ZNF16: variants seen among roughly 807,000 people sequenced by gnomAD.
The protein encoded by ZNF16 is zinc finger protein 16.
In ZNF16, 7 loss-of-function variants were observed where a neutral mutation model predicts 9.0. The ratio of observed to expected loss-of-function variants is 0.78; its 90% CI spans 0.44 to 1.47. The LOEUF is 1.47. Among genes scored for constraint, ZNF16 ranks in the 40% most tolerant of loss-of-function variants. The pLI, the probability that ZNF16 is intolerant of heterozygous loss-of-function variation, is 0.01. For missense variants in ZNF16, 830 were observed against 854.2 expected, an observed-to-expected ratio of 0.97 and a Z score of 0.35; for synonymous variants, 312 against 301.5, an observed-to-expected ratio of 1.03 and a Z score of -0.36.
At position 144,932,648 on chromosome 8, in the gene ZNF16, TAGAC is replaced by T. The variant is rs1421129428; in HGVS notation, c.197-62_197-59del. 3.8e-6 allele frequency: 6 copies of T among 1,559,244 alleles called. No individual in the cohort carries two copies. The highest frequency in any genetic ancestry group is 3.7e-5 in the South Asian group (3 of 81,668). On this transcript the variant is annotated intron_variant, in intron 2 of 2. Transcript: ENST00000394909. This position sits in a 1 kb window ranked among gnomAD's most constrained non-coding sequence, Gnocchi z 5.0. ...CAGTGCTGCAGCAGGAGCAGGAACA[TAGAC>T]AGTCACAGTTGCACCCACTAACTGT...
intron 1 of ZNF16, among the ~76,000 whole-genome samples, chr8:144,946,963 T>TAC (rs1833965123): frequency 2.0e-5 from 2 of 98,770 alleles, no homozygotes; most frequent in Non-Finnish European, 3.7e-5. Flanking sequence ...TGGGCCTGTG[T>TAC]CCTGCTGTGG....
rs571989382 is a variant in ZNF16, at chr8:144,941,880, A to C, written c.196+4131T>G. On this transcript the variant is annotated intron_variant, in intron 2 of 2. Transcript: ENST00000394909. Reference sequence around the variant, plus strand: ...TCACTGTGTTGGCCAGGATGGTCTCAATCTCCTGACCTCATGATCTGCCCA... The same window carrying C: ...TCACTGTGTTGGCCAGGATGGTCTCCATCTCCTGACCTCATGATCTGCCCA... Among the ~76,000 whole-genome samples, 148 of 149,944 alleles carry C rather than the reference A, an allele frequency of 9.9e-4. 1 individual carries two copies. The highest frequency in any genetic ancestry group is 1.9e-3 in the Non-Finnish European group (129 of 67,736).
Position 144,931,503 on chromosome 8 carries a change from AGT to A in ZNF16, c.1282_1283del (p.Thr428TrpfsTer6). Reference protein sequence around the residue: ...SNLIKHHRVHTGEKPYKCSDC... With the variant: ...SNLIKHHRVHXGEKPYKCSDC... ...CACTGCACTTATAGGGCTTCTCTCC[AGT>A]GTGAACCCTGTGGTGCTTAATGAGG... On this transcript the variant is annotated frameshift_variant, in exon 3 of 3. Coordinates refer to ENST00000394909, the MANE Select transcript of ZNF16 (RefSeq NM_006958.3). LOFTEE classifies it low-confidence loss of function (END_TRUNC). 6.2e-7 allele frequency: 1 copy of A among 1,614,016 alleles called. No individual in the cohort carries two copies. The highest frequency in any genetic ancestry group is 1.1e-5 in the South Asian group (1 of 91,084).
At chr8:144,934,265 T>C (rs1833629366) in intron 2 of ZNF16, among the ~76,000 whole-genome samples, 1 of 152,222 alleles carries the variant, frequency 6.6e-6, no homozygotes, top group Non-Finnish European at 1.5e-5. Context: ...TGCAGACACA[T>C]CGTGCTGTGC....
chr8:144,931,935 C>T lies in ZNF16; in HGVS notation c.852G>A (p.Gln284=), dbSNP rs769145965. 1 of 1,613,548 alleles carries T rather than the reference C, an allele frequency of 6.2e-7. No homozygotes were observed. Among genetic ancestry groups the T allele is most frequent in the Non-Finnish European group, 8.5e-7 (1 of 1,179,542 alleles). The stretch of plus-strand genomic sequence containing the variant: ...AAGGCCTCTCACTGCTGTGGTGACT[C>T]TGATGCCTAGAAAAGTCTGAGTGCC... ...FRGHSDFSRH[Q]SHHSSERPYM... Residue 284 remains glutamine (Q), a synonymous_variant, in exon 3 of 3, where the codon CAG becomes CAA. Coordinates refer to ENST00000394909, the MANE Select transcript of ZNF16 (RefSeq NM_006958.3).
chr8:144,935,355 A>T (rs926923175), intron 2 of ZNF16, among the ~76,000 whole-genome samples: 3 of 151,952 alleles, frequency 2.0e-5, no homozygotes, highest in Admixed American at 2.0e-4. Context: ...GGGATGTGCC[A>T]CCATGCCCTG....
chr8:144,942,957 C>T (rs1833840128), intron 2 of ZNF16, among the ~76,000 whole-genome samples: 1 of 152,170 alleles, frequency 6.6e-6, no homozygotes, highest in African/African-American at 2.4e-5. Flanking sequence ...TTTTGTATGG[C>T]TTTGAGTCCC....
intron 1 of ZNF16, among the ~76,000 whole-genome samples, chr8:144,947,254 G>A (rs1320018411): frequency 6.4e-4 from 75 of 117,862 alleles, no homozygotes; most frequent in Non-Finnish European, 1.1e-3. Flanking sequence ...TGGGGCCTGT[G>A]TCCTGCTGTG....
intron 2 of ZNF16, among the ~76,000 whole-genome samples, chr8:144,938,728 T>C (rs1833738521): frequency 6.6e-6 from 1 of 152,204 alleles, no homozygotes; most frequent in Admixed American, 6.5e-5. Context: ...CCCAACTGGA[T>C]GTCTTTTATT....
chr8:144,949,400 C>T (rs1290735527), intron 1 of ZNF16, among the ~76,000 whole-genome samples: 1 of 152,246 alleles, frequency 6.6e-6, no homozygotes, highest in Non-Finnish European at 1.5e-5. Flanking sequence ...ACGAACCCAC[C>T]CTTGTCTCCC....
At chr8:144,937,143 CTTT>C (rs58306145) in intron 2 of ZNF16, among the ~76,000 whole-genome samples, 27 of 110,956 alleles carry the variant, frequency 2.4e-4, no homozygotes, top group African/African-American at 7.6e-4. Context: ...CTTTCTCTCT[CTTT>C]TTTTTTTTTT....
chr8:144,939,844 C>T (rs1397083891), intron 2 of ZNF16, among the ~76,000 whole-genome samples: 2 of 152,108 alleles, frequency 1.3e-5, no homozygotes, highest in African/African-American at 4.8e-5. Context: ...GTTCCCACTT[C>T]CACTTCTGAT....
rs531463475 is a variant in ZNF16, at chr8:144,944,456, G to A, written c.196+1555C>T. On this transcript the variant is annotated intron_variant, in intron 2 of 2. Coordinates refer to ENST00000394909, the MANE Select transcript of ZNF16 (RefSeq NM_006958.3). ...ACAGGCGTGAGCCACCGTGGTGCTGGGTTACAGGTGTGAGCCACCGTGGTG... is the reference window on the plus strand; with the variant it reads ...ACAGGCGTGAGCCACCGTGGTGCTGAGTTACAGGTGTGAGCCACCGTGGTG... 3 of 148,186 alleles carry A rather than the reference G, an allele frequency of 2.0e-5. No individual in the cohort carries two copies. The East Asian group carries it at 5.9e-4, about 29-fold the overall frequency. The allele number at this position is 148,186 out of a possible 1,614,324, so 9.2% of individuals were successfully genotyped here. A position where few individuals can be genotyped will look rare whatever the true frequency, so the allele number is the denominator to read the frequency against.
chr8:144,946,953 T>C (rs1833964498), intron 1 of ZNF16, among the ~76,000 whole-genome samples: 2 of 104,376 alleles, frequency 1.9e-5, no homozygotes, highest in Non-Finnish European at 3.6e-5. Flanking sequence ...TACCCTGCTG[T>C]GGGCCTGTGT....
chr8:144,931,325 G>A lies in ZNF16; in HGVS notation c.1462C>T (p.Pro488Ser), dbSNP rs1406527305. Residue 488 changes from proline (P) to serine (S), a missense_variant, in exon 3 of 3, where the codon CCG becomes TCG. Coordinates refer to ENST00000394909, the MANE Select transcript of ZNF16 (RefSeq NM_006958.3). ...KHQIIHTGEK[P>S]YRCSVCGKAF... is the part of the protein sequence containing the mutation. Reference sequence around the variant, plus strand: ...TTCCCACAGACACTGCATCTGTACGGCTTCTCTCCCGTGTGGATGATCTGG... The same window carrying A: ...TTCCCACAGACACTGCATCTGTACGACTTCTCTCCCGTGTGGATGATCTGG... 5.6e-6 allele frequency: 9 copies of A among 1,614,094 alleles called. No homozygotes were observed. Among genetic ancestry groups the A allele is most frequent in the Non-Finnish European group, 6.8e-6 (8 of 1,180,046 alleles).
chr8:144,946,674 CCTACT>C (rs1833949663), intron 1 of ZNF16, among the ~76,000 whole-genome samples: 1 of 118,078 alleles, frequency 8.5e-6, no homozygotes, highest in African/African-American at 3.5e-5. Flanking sequence ...GGGCCTGTAC[CCTACT>C]GTGGGCCATA....
At chr8:144,950,277 A>G (rs1251361484) in intron 1 of ZNF16, 3 of 152,208 alleles carry the variant, frequency 2.0e-5, no homozygotes, top group Non-Finnish European at 4.4e-5. Flanking sequence ...AATAATCAAT[A>G]AAAACTAAGA....
At chr8:144,945,856 C>T (rs1408400662) in intron 2 of ZNF16, 155 bp downstream of exon 2, 1 of 1,399,002 alleles carries the variant, frequency 7.1e-7, no homozygotes, top group Non-Finnish European at 9.4e-7. Flanking sequence ...AGGTTAACTT[C>T]CTTGCTGACA....
intron 2 of ZNF16, among the ~76,000 whole-genome samples, chr8:144,940,910 G>C (rs1234680029): frequency 1.3e-5 from 2 of 152,172 alleles, no homozygotes; most frequent in Non-Finnish European, 2.9e-5. Context: ...AGCTCCCTCA[G>C]GCCTCTTATA....
Sources: gnomAD v4.1 joint callset for allele counts (sites outside exome capture counted in the v4.1 genomes callset) on GRCh38, gnomAD v4.1.1 for gene constraint, Gnocchi (gnomAD v3.1) non-coding constraint, MANE v1.5 for transcripts, NCBI Gene and HGNC (gene_info 2026-07-23, HGNC 2026-07-21) for gene names.